DGUOK: variants seen among roughly 807,000 people sequenced by gnomAD.
DGUOK encodes deoxyguanosine kinase, mitochondrial.
Under a neutral mutation model 36.6 loss-of-function variants are expected in DGUOK, and 30 were observed. The ratio of observed to expected loss-of-function variants is 0.82; its 90% CI spans 0.61 to 1.11. The LOEUF (loss-of-function observed/expected upper bound fraction) is 1.11. Among genes scored for constraint, DGUOK ranks in the 50% most tolerant of loss-of-function variants. The pLI is 0.00. For missense variants in DGUOK, 361 were observed against 336.4 expected, an observed-to-expected ratio of 1.07 and a Z score of -0.57; for synonymous variants, 145 against 126.3, an observed-to-expected ratio of 1.15 and a Z score of -0.99.
At chr2:73,927,336 G>A (rs1245966971) in intron 1 of DGUOK, among the ~76,000 whole-genome samples, 1 of 152,220 alleles carries the variant, frequency 6.6e-6, no homozygotes, top group Non-Finnish European at 1.5e-5. Flanking sequence ...GTAATAGATC[G>A]AAATTGAAGC....
intron 1 of DGUOK, among the ~76,000 whole-genome samples, chr2:73,928,428 G>A (rs974288950): frequency 1.3e-5 from 2 of 152,162 alleles, no homozygotes; most frequent in Non-Finnish European, 2.9e-5. Context: ...GCACCTGGCC[G>A]AAGTTGTCAT....
intron 2 of DGUOK, among the ~76,000 whole-genome samples, chr2:73,946,204 T>TG (rs1436340967): frequency 6.6e-6 from 1 of 152,238 alleles, no homozygotes; most frequent in Admixed American, 6.5e-5. Context: ...GTACTCCTTA[T>TG]ATGAAAGATA....
chr2:73,950,021 G>A (rs1292259327), intron 3 of DGUOK, among the ~76,000 whole-genome samples: 1 of 152,186 alleles, frequency 6.6e-6, no homozygotes, highest in Non-Finnish European at 1.5e-5. Context: ...ACTGAAATTA[G>A]TAGGAAATGC....
chr2:73,930,626 C>T (rs1177528993), intron 1 of DGUOK, among the ~76,000 whole-genome samples: 1 of 152,132 alleles, frequency 6.6e-6, no homozygotes, highest in Non-Finnish European at 1.5e-5. Flanking sequence ...AATTTCTCTG[C>T]TTCTTCCTTG....
At chr2:73,936,041 A>G (rs977032765) in intron 1 of DGUOK, among the ~76,000 whole-genome samples, 1 of 152,178 alleles carries the variant, frequency 6.6e-6, no homozygotes, top group Non-Finnish European at 1.5e-5. Context: ...AATTCTAACA[A>G]TTGTTCAATC....
intron 4 of DGUOK, among the ~76,000 whole-genome samples, chr2:73,952,207 C>G (rs1353283983): frequency 6.6e-6 from 1 of 152,162 alleles, no homozygotes; most frequent in African/African-American, 2.4e-5. Flanking sequence ...TCAGTGAGGC[C>G]AGAGGGCTAA....
chr2:73,958,351 C>T (rs1683287051), intron 6 of DGUOK, 106 bp downstream of exon 6: 1 of 855,198 alleles, frequency 1.2e-6, no homozygotes, highest in Admixed American at 2.0e-5. Flanking sequence ...TGCTTTGCAT[C>T]TCACATTGCA....
chr2:73,939,632 G>A (rs969459189), intron 2 of DGUOK, among the ~76,000 whole-genome samples: 1 of 152,330 alleles, frequency 6.6e-6, no homozygotes, highest in South Asian at 2.1e-4. Flanking sequence ...GACTTGTTTC[G>A]ACATGACCCT....
intron 1 of DGUOK, among the ~76,000 whole-genome samples, chr2:73,932,050 T>G (rs1681080460): frequency 6.6e-6 from 1 of 151,976 alleles, no homozygotes. Context: ...GACATAGAGG[T>G]GTTCTGAGAC....
chr2:73,933,901 T>C (rs1336512971), intron 1 of DGUOK, among the ~76,000 whole-genome samples: 4 of 152,208 alleles, frequency 2.6e-5, no homozygotes, highest in Admixed American at 2.6e-4. Context: ...GTATCTGAAA[T>C]AAAGACTTCA....
intron 1 of DGUOK, among the ~76,000 whole-genome samples, chr2:73,929,540 T>C (rs1225189088): frequency 5.9e-5 from 9 of 152,106 alleles, no homozygotes; most frequent in Admixed American, 5.9e-4. Context: ...CCAGAGACTA[T>C]GTGTTGATGG....
rs149276886 is a variant in DGUOK at position 73,935,747 on chromosome 2, G to A, written c.143-3163G>A. Among the ~76,000 whole-genome samples, 5 of 152,338 alleles carry A rather than the reference G, an allele frequency of 3.3e-5. No individual in the cohort carries two copies. The East Asian group carries it at 9.6e-4, about 29-fold the overall frequency. Reference sequence around the variant, plus strand: ...TTTACTGTCATTGTATGCTGAAGCTGCCTTGTGATTACTAAACTAGCTTTC... The same window carrying A: ...TTTACTGTCATTGTATGCTGAAGCTACCTTGTGATTACTAAACTAGCTTTC... On this transcript the variant is annotated intron_variant, in intron 1 of 6. Transcript: ENST00000264093.
Position 73,957,008 on chromosome 2 carries a change from G to A in DGUOK, c.592-117G>A, listed in dbSNP as rs1427731283. Reference sequence around the variant, plus strand: ...AAGAAAACAAGACAGCAGAAGCAAAGGCATGGCTTGTAATGCCCAAGATAG... The same window carrying A: ...AAGAAAACAAGACAGCAGAAGCAAAAGCATGGCTTGTAATGCCCAAGATAG... On this transcript the variant is annotated intron_variant, in intron 4 of 6. Transcript: ENST00000264093. The A allele has an allele frequency of 3.4e-5, 25 of 727,532 alleles. No individual in the cohort carries two copies. The East Asian group carries it at 6.6e-4, about 19-fold the overall frequency. The allele number at this position is 727,532 out of a possible 1,614,324, so 45.1% of individuals were successfully genotyped here.
intron 4 of DGUOK, among the ~76,000 whole-genome samples, chr2:73,951,905 A>T (rs1211318177): frequency 1.3e-5 from 2 of 152,250 alleles, no homozygotes; most frequent in African/African-American, 4.8e-5. Context: ...GCAGTGGCTC[A>T]TGCCTACAAT....
At position 73,953,719 on chromosome 2, in the gene DGUOK, C is replaced by CTTTT. The variant is rs386390474; in HGVS notation, c.591+3006_591+3009dup. On this transcript the variant is annotated intron_variant, in intron 4 of 6. Transcript: ENST00000264093. ...CTTTCTACCTATTCTTCCCTAACTT[C>CTTTT]TTTTTTTTTTTTTTTTTTTTTTGAG... is the stretch of plus-strand genomic sequence containing the variant. Among the ~76,000 whole-genome samples the CTTTT allele has an allele frequency of 7.1e-3, 679 of 95,722 alleles. 5 individuals carry two copies. The highest frequency in any genetic ancestry group is 0.019 in the Middle Eastern group (2 of 108). The allele number at this position is 95,722 out of a possible 152,430, so 62.8% of individuals were successfully genotyped here.
At chr2:73,942,007 C>G (rs760313934) in intron 2 of DGUOK, among the ~76,000 whole-genome samples, 48 of 151,188 alleles carry the variant, frequency 3.2e-4, no homozygotes, top group Non-Finnish European at 6.6e-4. Context: ...CTTCCGAGTT[C>G]AAGCAGTTCT....
In DGUOK at chr2:73,927,033, C is replaced by G. The variant is rs145252858; in HGVS notation, c.123C>G (p.Leu41=). Residue 41 remains leucine, a synonymous_variant, in exon 1 of 7, where the codon CTC becomes CTG. Coordinates refer to ENST00000264093, the MANE Select transcript of DGUOK (RefSeq NM_080916.3). ...ACGCGGGGCGCGGGCCCCGAAGGCTCTCCATCGAAGGCAACATTGGTAAGG... is the reference window on the plus strand; with the variant it reads ...ACGCGGGGCGCGGGCCCCGAAGGCTGTCCATCGAAGGCAACATTGGTAAGG... ...GLHAGRGPRR[L]SIEGNIAVGK... 734 of 1,610,008 alleles carry G rather than the reference C, an allele frequency of 4.6e-4. 6 individuals carry two copies. The African/African-American group carries it at 8.6e-3, about 19-fold the overall frequency.
chr2:73,956,894 T>G (rs184467914), intron 4 of DGUOK, among the ~76,000 whole-genome samples: 41 of 152,324 alleles, frequency 2.7e-4, no homozygotes, highest in African/African-American at 9.1e-4. Context: ...ATGGATGATG[T>G]TCATCATTAA....
At chr2:73,945,330 C>T (rs1462050623) in intron 2 of DGUOK, among the ~76,000 whole-genome samples, 1 of 152,212 alleles carries the variant, frequency 6.6e-6, no homozygotes, top group Non-Finnish European at 1.5e-5. Context: ...ACATCCTCAT[C>T]ACCCTCTTCC....
Sources: gnomAD v4.1 joint callset for allele counts (sites outside exome capture counted in the v4.1 genomes callset) on GRCh38, gnomAD v4.1.1 for gene constraint, MANE v1.5 for transcripts, NCBI Gene and HGNC (gene_info 2026-07-23, HGNC 2026-07-21) for gene names.